Variants in TNRC6C observed in about 807,000 individuals in gnomAD.
The protein encoded by TNRC6C is trinucleotide repeat containing adaptor 6C.
In TNRC6C, 20 loss-of-function variants were observed where a neutral mutation model predicts 153.7. That is an observed-to-expected ratio of 0.13 (90% CI 0.09 to 0.19). The LOEUF (loss-of-function observed/expected upper bound fraction) is 0.19, where lower values mean the gene tolerates loss of function less well. Ranked by LOEUF, TNRC6C falls within the 10% of genes least tolerant of loss-of-function variation. The pLI, the probability that TNRC6C is intolerant of heterozygous loss-of-function variation, is 1.00. For missense variants in TNRC6C, 1,987 were observed against 2,172.0 expected (o/e 0.91, Z 1.69); for synonymous variants, 811 against 841.4 (o/e 0.96, Z 0.63).
At chr17:77,961,964 G>A (rs1234968538) in intron 1 of TNRC6C, among the ~76,000 whole-genome samples, 1 of 152,166 alleles carries the variant, frequency 6.6e-6, no homozygotes, top group Non-Finnish European at 1.5e-5. Context: ...GGTCAGGGCT[G>A]GAGTAGGACA....
intron 1 of TNRC6C, among the ~76,000 whole-genome samples, chr17:78,025,453 C>CACGTA (rs2071923169): frequency 6.6e-6 from 1 of 152,130 alleles, no homozygotes; most frequent in African/African-American, 2.4e-5. Context: ...CGTAATGTTC[C>CACGTA]ATTGTCTGAA....
chr17:78,094,975 G>A (rs562468069), intron 16 of TNRC6C, among the ~76,000 whole-genome samples: 1 of 152,208 alleles, frequency 6.6e-6, no homozygotes, highest in East Asian at 1.9e-4. Context: ...GACAGGTGAG[G>A]CGCCAGCCAG....
At chr17:78,023,791 A>G (rs994332014) in intron 1 of TNRC6C, among the ~76,000 whole-genome samples, 1 of 150,876 alleles carries the variant, frequency 6.6e-6, no homozygotes, top group Non-Finnish European at 1.5e-5. Flanking sequence ...GGGCAACGGA[A>G]GTGAGACCCT....
At chr17:77,958,065 T>C (rs899712696), upstream of TNRC6C, among the ~76,000 whole-genome samples, 4 of 151,920 alleles carry the variant, frequency 2.6e-5, no homozygotes, top group African/African-American at 9.7e-5. Context: ...GCGAGCACGA[T>C]GCTCCAGGGC....
chr17:78,104,431 A>C lies in TNRC6C; in HGVS notation c.4713-54A>C, dbSNP rs2073652591. ...CAATACAGAGAAAGCCAGTGCCACG[A>C]ACTCAGCAGGACTTGGGGTGGCCCT... On this transcript the variant is annotated intron_variant, in intron 19 of 19. Coordinates refer to ENST00000301624, the Ensembl canonical transcript of TNRC6C. This position sits in a 1 kb window ranked among gnomAD's most constrained non-coding sequence, Gnocchi z 6.2. The C allele has an allele frequency of 7.0e-7, 1 of 1,427,488 alleles. No homozygotes were observed. Among genetic ancestry groups the C allele is most frequent in the Non-Finnish European group, 9.2e-7 (1 of 1,088,746 alleles). The allele number at this position is 1,427,488 out of a possible 1,614,324, so 88.4% of individuals were successfully genotyped here.
chr17:78,098,068 G>A (rs1474046987), intron 16 of TNRC6C, among the ~76,000 whole-genome samples: 4 of 152,238 alleles, frequency 2.6e-5, no homozygotes, highest in East Asian at 1.9e-4. Context: ...AAGTGGTAAC[G>A]TCTTCTCCAT....
rs115609146 is a variant in TNRC6C, at chr17:78,018,997, T to G, written c.-545-12519T>G. Among the ~76,000 whole-genome samples, 1,361 of 152,248 alleles carry G rather than the reference T, an allele frequency of 8.9e-3. 22 individuals are homozygous for G. Among genetic ancestry groups the G allele is most frequent in the African/African-American group, 0.031 (1,267 of 41,536 alleles). On this transcript the variant is annotated intron_variant, in intron 1 of 19. Transcript: ENST00000301624. The stretch of plus-strand genomic sequence containing the variant: ...TAGTAGGTAACAGAGCTCATTGCTG[T>G]TTCTGAGACTACATGTGGCAGTGTC...
chr17:78,087,245 G>C (rs924302921), intron 13 of TNRC6C, among the ~76,000 whole-genome samples, 152 bp downstream of exon 15: 1 of 152,060 alleles, frequency 6.6e-6, no homozygotes, highest in Non-Finnish European at 1.5e-5. Flanking sequence ...CAAAATCGGA[G>C]AGCAGGTATC....
At chr17:78,027,491 G>C (rs1379057503) in intron 1 of TNRC6C, among the ~76,000 whole-genome samples, 1 of 151,956 alleles carries the variant, frequency 6.6e-6, no homozygotes, top group African/African-American at 2.4e-5. Flanking sequence ...TGGAAACTCT[G>C]GCTAGAAAAA....
At position 78,056,876 on chromosome 17, in the gene TNRC6C, T is replaced by C. The variant is rs2072668807; in HGVS notation, c.2395+5419T>C. ...AAATAATTCTCTTTTATATGAAAAA[T>C]ATTTATAGATTTTTTTAAACAAATT... is the stretch of plus-strand genomic sequence containing the variant. On this transcript the variant is annotated intron_variant, in intron 3 of 19. Coordinates refer to ENST00000301624, the Ensembl canonical transcript of TNRC6C. Among the ~76,000 whole-genome samples the C allele has an allele frequency of 2.0e-5, 3 of 151,748 alleles. 1 individual carries two copies. The highest frequency in any genetic ancestry group is 4.2e-4 in the South Asian group (2 of 4,794).
chr17:78,044,871 G>C (rs945365914), intron 2 of TNRC6C, among the ~76,000 whole-genome samples: 1 of 152,172 alleles, frequency 6.6e-6, no homozygotes, highest in African/African-American at 2.4e-5. Context: ...AATGTATGAG[G>C]GAGTCCTAAC....
At chr17:77,982,657 C>T (rs1171506850) in intron 1 of TNRC6C, among the ~76,000 whole-genome samples, 1 of 152,058 alleles carries the variant, frequency 6.6e-6, no homozygotes, top group Non-Finnish European at 1.5e-5. Context: ...CATGGTGAAA[C>T]CCCATCTCTA....
At chr17:78,026,329 C>T (rs1008376756) in intron 1 of TNRC6C, among the ~76,000 whole-genome samples, 9 of 152,240 alleles carry the variant, frequency 5.9e-5, no homozygotes, top group African/African-American at 2.2e-4. Context: ...GTCAGAAGCA[C>T]CTAGACTGGC....
chr17:77,972,660 C>T (rs762758757), intron 1 of TNRC6C, among the ~76,000 whole-genome samples: 1 of 151,974 alleles, frequency 6.6e-6, no homozygotes, highest in African/African-American at 2.4e-5. Context: ...AAAATTGATG[C>T]AGGAAAAATG....
intron 1 of TNRC6C, among the ~76,000 whole-genome samples, chr17:78,006,682 CATT>C (rs201018776): frequency 0.024 from 3,643 of 151,390 alleles, 80 homozygotes; most frequent in South Asian, 0.058. Flanking sequence ...TATTCTTCAT[CATT>C]GTCACTGTTT....
rs780103239 is a variant in TNRC6C, at chr17:78,083,097, T to C, written c.3408T>C (p.Pro1136=). 4 of 1,613,918 alleles carry C rather than the reference T, an allele frequency of 2.5e-6. No individual in the cohort carries two copies. In the East Asian group the frequency reaches 8.9e-5, roughly 36 times the overall value. ...CAGCAAAAAACATTGGTCTCAACCC[T>C]GCACTATTAACCTCGCCAATTAATC... Residue 1136 remains proline, a synonymous_variant, in exon 11 of 20, where the codon CCT becomes CCC. Coordinates refer to ENST00000301624, the Ensembl canonical transcript of TNRC6C.
intron 1 of TNRC6C, among the ~76,000 whole-genome samples, chr17:78,010,504 G>A (rs1310124866): frequency 6.6e-6 from 1 of 152,116 alleles, no homozygotes; most frequent in Admixed American, 6.5e-5. Context: ...AGAAATATAT[G>A]TTTTTCATAT....
chr17:78,038,678 CAAAAAAA>C (rs751760738), intron 2 of TNRC6C, among the ~76,000 whole-genome samples: 12 of 61,246 alleles, frequency 2.0e-4, no homozygotes, highest in Non-Finnish European at 3.7e-4. Flanking sequence ...GACTCCGTGT[CAAAAAAA>C]AAAAAAAAAA....
chr17:78,035,060 T>C (rs141710848), intron 2 of TNRC6C, among the ~76,000 whole-genome samples: 3 of 152,326 alleles, frequency 2.0e-5, no homozygotes, highest in Non-Finnish European at 4.4e-5. Flanking sequence ...CACCAACTAG[T>C]CCTTCCATTT....
Sources: allele counts gnomAD v4.1 joint callset (sites outside exome capture counted in the v4.1 genomes callset), GRCh38; gene constraint gnomAD v4.1.1; non-coding constraint Gnocchi (gnomAD v3.1); transcripts MANE v1.5; gene names NCBI Gene and HGNC (gene_info 2026-07-23, HGNC 2026-07-21).